DRC5: variants seen among roughly 807,000 people sequenced by gnomAD.
DRC5 encodes the protein dynein regulatory complex subunit 5, also known as T-complex-associated testis-expressed protein 1.
At chr6:44,289,235 C>T in the DRC5 span, among the ~76,000 whole-genome samples, 2 of 151,594 alleles carry the variant, frequency 1.3e-5, no homozygotes, top group African/African-American at 4.8e-5. Flanking sequence ...CGGGGTTTCA[C>T]CATGTTGGCC....
the DRC5 span, among the ~76,000 whole-genome samples, chr6:44,288,948 T>C: frequency 8.1e-6 from 1 of 123,872 alleles, no homozygotes; most frequent in Non-Finnish European, 1.6e-5. Context: ...GAGCCAAGAC[T>C]GTGCTACTGC....
At chr6:44,292,592 C>T in the DRC5 span, among the ~76,000 whole-genome samples, 5 of 152,130 alleles carry the variant, frequency 3.3e-5, no homozygotes, top group Non-Finnish European at 7.3e-5. Flanking sequence ...TGGGGCGGCT[C>T]CACTGGCTTC....
chr6:44,286,453 A>G, the DRC5 span: 1 of 1,614,216 alleles, frequency 6.2e-7, no homozygotes, highest in Non-Finnish European at 8.5e-7. Context: ...TGGCGGTCAC[A>G]GCCAGTGGTA....
At chr6:44,293,354 T>C in the DRC5 span, among the ~76,000 whole-genome samples, 1 of 149,144 alleles carries the variant, frequency 6.7e-6, no homozygotes, top group Non-Finnish European at 1.5e-5. Context: ...GGCTCACACC[T>C]GTAATCCTAG....
the DRC5 span, chr6:44,286,397 C>T: frequency 4.3e-6 from 7 of 1,614,112 alleles, no homozygotes; most frequent in East Asian, 8.9e-5. Context: ...CACGGGCCAG[C>T]GATGCATGCA....
At chr6:44,292,404 C>T in the DRC5 span, among the ~76,000 whole-genome samples, 6 of 152,304 alleles carry the variant, frequency 3.9e-5, no homozygotes, top group South Asian at 1.2e-3. Flanking sequence ...CAACCCCTCC[C>T]GTTGTCAGAC....
chr6:44,282,959 C>T, the DRC5 span, among the ~76,000 whole-genome samples: 98 of 152,092 alleles, frequency 6.4e-4, no homozygotes, highest in Admixed American at 6.5e-5. Flanking sequence ...CCCGCCACCA[C>T]GCCCTGCTAA....
chr6:44,294,785 AAAAAAAAAG>A, the DRC5 span, among the ~76,000 whole-genome samples: 1 of 150,950 alleles, frequency 6.6e-6, no homozygotes, highest in African/African-American at 2.4e-5. Flanking sequence ...AAAAAAAAAA[AAAAAAAAAG>A]AAAGAAAGAA....
At chr6:44,290,410 A>G in the DRC5 span, among the ~76,000 whole-genome samples, 1 of 152,174 alleles carries the variant, frequency 6.6e-6, no homozygotes, top group Admixed American at 6.5e-5. Context: ...GAGTGAAGGT[A>G]CTATGAGGGG....
At chr6:44,289,840 C>T in the DRC5 span, among the ~76,000 whole-genome samples, 9 of 152,374 alleles carry the variant, frequency 5.9e-5, no homozygotes, top group East Asian at 1.5e-3. Flanking sequence ...AATGGGGCTG[C>T]TGGCACCTAG....
chr6:44,281,021 C>CTGTGTG, the DRC5 span, among the ~76,000 whole-genome samples: 1 of 151,126 alleles, frequency 6.6e-6, no homozygotes, highest in Non-Finnish European at 1.5e-5. Context: ...CCTCTAGAAA[C>CTGTGTG]TGTGTGTGTG....
chr6:44,286,544 G>C, the DRC5 span: 4 of 1,603,054 alleles, frequency 2.5e-6, no homozygotes, highest in African/African-American at 4.0e-5. Context: ...TTTGGGAACA[G>C]AGGAAGGAGC....
chr6:44,287,436 G>GAGCAGGGA, the DRC5 span: 2 of 1,143,570 alleles, frequency 1.7e-6, no homozygotes, highest in Non-Finnish European at 2.5e-6. Flanking sequence ...CCATACGGGA[G>GAGCAGGGA]AGCAGGGGCT....
the DRC5 span, among the ~76,000 whole-genome samples, chr6:44,292,000 G>C: frequency 0.046 from 6,751 of 147,572 alleles, 230 homozygotes; most frequent in East Asian, 0.19. Flanking sequence ...CAGGGCCCCA[G>C]TGTCTGTCTG....
chr6:44,284,812 C>T, the DRC5 span, among the ~76,000 whole-genome samples: 69 of 152,348 alleles, frequency 4.5e-4, no homozygotes, highest in African/African-American at 1.6e-3. Flanking sequence ...GACCCTCACC[C>T]TCACCTGGAT....
chr6:44,286,474 C>G, the DRC5 span: 1 of 1,614,048 alleles, frequency 6.2e-7, no homozygotes, highest in African/African-American at 1.3e-5. Context: ...GGTCAGGGGA[C>G]AGGTGGTTCA....
chr6:44,289,438 T>C, the DRC5 span, among the ~76,000 whole-genome samples: 3 of 152,234 alleles, frequency 2.0e-5, no homozygotes, highest in Non-Finnish European at 4.4e-5. Context: ...TATGTTTTCA[T>C]ATGAGGTCTT....
At chr6:44,296,574 A>T in the DRC5 span, among the ~76,000 whole-genome samples, 15 of 147,554 alleles carry the variant, frequency 1.0e-4, no homozygotes, top group Admixed American at 1.4e-4. Flanking sequence ...AAGATGCTGT[A>T]GGTTTGCATT....
chr6:44,294,262 G>A, the DRC5 span, among the ~76,000 whole-genome samples: 269 of 152,230 alleles, frequency 1.8e-3, 1 homozygote, highest in African/African-American at 6.0e-3. Flanking sequence ...GATTACAGGC[G>A]TGAGCCACTG....
Sources: allele counts gnomAD v4.1 joint callset (sites outside exome capture counted in the v4.1 genomes callset), GRCh38; gene constraint gnomAD v4.1.1; transcripts MANE v1.5; gene names NCBI Gene and HGNC (gene_info 2026-07-23, HGNC 2026-07-21).